AMBRA1: variants seen among roughly 807,000 people sequenced by gnomAD.
AMBRA1 encodes the protein activating molecule in BECN1-regulated autophagy protein 1.
AMBRA1 carries 47 observed loss-of-function variants against 125.4 expected under a neutral mutation model. That is an observed-to-expected ratio of 0.37 (90% confidence interval 0.30 to 0.48). The LOEUF is 0.48. AMBRA1 is among the 20% of genes least tolerant of loss of function. The pLI is 0.99. For missense variants in AMBRA1, 1,331 were observed against 1,693.4 expected, an observed-to-expected ratio of 0.79 and a Z score of 3.76; for synonymous variants, 626 against 655.5, an observed-to-expected ratio of 0.95 and a Z score of 0.69.
chr11:46,556,963 C>G (rs1349732127), intron 1 of AMBRA1, among the ~76,000 whole-genome samples: 1 of 152,030 alleles, frequency 6.6e-6, no homozygotes, highest in East Asian at 1.9e-4. Context: ...ATGGAGAAAC[C>G]CTGTCTCTAT....
intron 11 of AMBRA1, among the ~76,000 whole-genome samples, chr11:46,479,953 T>C (rs1206111598): frequency 6.6e-6 from 1 of 152,178 alleles, no homozygotes; most frequent in African/African-American, 2.4e-5. Context: ...AGAAAGGTGT[T>C]GGCTGGCCTG....
At chr11:46,588,331 C>CA (rs1000057215) in intron 1 of AMBRA1, among the ~76,000 whole-genome samples, 12 of 151,510 alleles carry the variant, frequency 7.9e-5, no homozygotes, top group Non-Finnish European at 1.3e-4. Context: ...GACTCCATCT[C>CA]AAAAAAAATA....
intron 11 of AMBRA1, among the ~76,000 whole-genome samples, chr11:46,466,459 TAC>T: frequency 6.6e-6 from 1 of 152,254 alleles, no homozygotes; most frequent in Admixed American, 6.5e-5. Flanking sequence ...GCAGGAAATT[TAC>T]AGAGTACAGA....
At chr11:46,417,293 G>A (rs1342581253) in intron 15 of AMBRA1, among the ~76,000 whole-genome samples, 5 of 152,024 alleles carry the variant, frequency 3.3e-5, no homozygotes, top group Admixed American at 1.3e-4. Flanking sequence ...CTCGTGATCC[G>A]CCTGCCTCAG....
intron 7 of AMBRA1, among the ~76,000 whole-genome samples, chr11:46,519,370 C>G (rs1292187376): frequency 6.7e-6 from 1 of 149,974 alleles, no homozygotes; most frequent in Admixed American, 6.6e-5. Context: ...TGCAGAAAGT[C>G]TGGGTACTAG....
chr11:46,490,696 C>G (rs997402922), intron 11 of AMBRA1, among the ~76,000 whole-genome samples: 1 of 152,142 alleles, frequency 6.6e-6, no homozygotes, highest in Non-Finnish European at 1.5e-5. Flanking sequence ...CTGCAAAAAG[C>G]CATTCACCAT....
intron 11 of AMBRA1, among the ~76,000 whole-genome samples, chr11:46,464,216 A>G (rs1949225241): frequency 6.6e-6 from 1 of 152,230 alleles, no homozygotes; most frequent in African/African-American, 2.4e-5. Context: ...AAAAATTTCC[A>G]TGTATTTAAA....
intron 7 of AMBRA1, among the ~76,000 whole-genome samples, chr11:46,523,978 C>T (rs1335217414): frequency 6.6e-6 from 1 of 152,174 alleles, no homozygotes; most frequent in African/African-American, 2.4e-5. Flanking sequence ...AAGCAATTCT[C>T]CTGCCTCAGC....
At chr11:46,526,980 G>A (rs1952000622) in intron 7 of AMBRA1, among the ~76,000 whole-genome samples, 1 of 152,150 alleles carries the variant, frequency 6.6e-6, no homozygotes, top group Admixed American at 6.5e-5. Flanking sequence ...AATAAAGCAA[G>A]TGTAAACTTG....
intron 17 of AMBRA1, among the ~76,000 whole-genome samples, chr11:46,400,517 G>A (rs1186994436): frequency 1.1e-5 from 1 of 90,818 alleles, no homozygotes; most frequent in African/African-American, 5.2e-5. Context: ...TTTGAGACCA[G>A]GTCTCGCTAT....
chr11:46,417,466 C>CTCTA (rs1946596587), intron 15 of AMBRA1, among the ~76,000 whole-genome samples: 1 of 152,204 alleles, frequency 6.6e-6, no homozygotes, highest in Non-Finnish European at 1.5e-5. Context: ...TATTAGAGAT[C>CTCTA]AGTGGCTTAA....
intron 14 of AMBRA1, among the ~76,000 whole-genome samples, chr11:46,423,867 G>A (rs969900526): frequency 3.4e-5 from 5 of 145,556 alleles, no homozygotes; most frequent in Non-Finnish European, 7.5e-5. Flanking sequence ...GGGTTCAAGC[G>A]ATTCTCCTGA....
At chr11:46,565,231 C>T (rs184547749) in intron 1 of AMBRA1, among the ~76,000 whole-genome samples, 2 of 151,750 alleles carry the variant, frequency 1.3e-5, no homozygotes, top group Admixed American at 1.3e-4. Context: ...GCACTCCAAG[C>T]CTGGGAGACA....
chr11:46,587,161 C>T (rs2044431855), intron 1 of AMBRA1, among the ~76,000 whole-genome samples: 2 of 152,096 alleles, frequency 1.3e-5, no homozygotes, highest in African/African-American at 4.8e-5. Flanking sequence ...GGGCAGATCA[C>T]CTAAAGTCAG....
At chr11:46,506,122 A>G (rs886148936) in intron 9 of AMBRA1, among the ~76,000 whole-genome samples, 4 of 152,210 alleles carry the variant, frequency 2.6e-5, no homozygotes, top group Non-Finnish European at 5.9e-5. Context: ...CACTGTAAGT[A>G]TCTGCCTGGC....
In AMBRA1 at chr11:46,418,168, G is replaced by A. The variant is rs1176544698; in HGVS notation, c.2977-116C>T. The A allele has an allele frequency of 6.8e-6, 6 of 885,566 alleles. No individual in the cohort carries two copies. In the East Asian group the frequency reaches 1.5e-4, roughly 22 times the overall value. 54.9% of individuals were successfully genotyped at this position (885,566 alleles called of 1,614,324 possible). Reference sequence around the variant, plus strand: ...AGGAGGAAAGGAGGTGGTTAGGCTGGGAACAGGATGACTCTTTTTTTTTCT... The same window carrying A: ...AGGAGGAAAGGAGGTGGTTAGGCTGAGAACAGGATGACTCTTTTTTTTTCT... On this transcript the variant is annotated intron_variant, in intron 14 of 17. Coordinates refer to ENST00000683756, the MANE Select transcript of AMBRA1 (RefSeq NM_001387011.1).
chr11:46,571,703 T>C (rs1334212758), intron 1 of AMBRA1, among the ~76,000 whole-genome samples: 10 of 97,264 alleles, frequency 1.0e-4, no homozygotes. Context: ...TTTTTTTTTT[T>C]TTTGAGACAA....
In AMBRA1 at chr11:46,590,442, C is replaced by A. The variant is rs548951385; in HGVS notation, c.-121+3386G>T. Among the ~76,000 whole-genome samples, 7 of 150,596 alleles carry A rather than the reference C, an allele frequency of 4.6e-5. No homozygotes were observed. The East Asian group carries it at 1.4e-3, about 29-fold the overall frequency. Reference sequence around the variant, plus strand: ...CCAGGAGTTTTGAGTCCAGCCTGAGCAACATAGGGAGACCTCATCTCTTCA... The same window carrying A: ...CCAGGAGTTTTGAGTCCAGCCTGAGAAACATAGGGAGACCTCATCTCTTCA... On this transcript the variant is annotated intron_variant, in intron 1 of 17. Coordinates refer to ENST00000683756, the MANE Select transcript of AMBRA1 (RefSeq NM_001387011.1).
Position 46,397,307 on chromosome 11 carries a change from A to ATCTTCCTCTCCACCCTGACCC in AMBRA1, c.*122_*142dup, listed in dbSNP as rs1244609383. ...TTGACTGTCTTGTGCCCACTGACTG[A>ATCTTCCTCTCCACCCTGACCC]TCTTCCTCTCCACCCTGACCCTCTT... On this transcript the variant is annotated 3_prime_UTR_variant, in exon 18 of 18. Transcript: ENST00000683756. The ATCTTCCTCTCCACCCTGACCC allele has an allele frequency of 1.4e-5, 16 of 1,181,846 alleles. No individual in the cohort carries two copies. Among genetic ancestry groups the ATCTTCCTCTCCACCCTGACCC allele is most frequent in the Non-Finnish European group, 1.8e-5 (16 of 905,150 alleles). The allele number at this position is 1,181,846 out of a possible 1,614,324, so 73.2% of individuals were successfully genotyped here.
Sources: gnomAD v4.1 joint callset for allele counts (sites outside exome capture counted in the v4.1 genomes callset) on GRCh38, gnomAD v4.1.1 for gene constraint, MANE v1.5 for transcripts, NCBI Gene and HGNC (gene_info 2026-07-23, HGNC 2026-07-21) for gene names.